The following FGFR3 variants were observed in gnomAD, a reference collection of about 807,000 sequenced individuals.
The protein encoded by FGFR3 is FGFR-3.
A neutral mutation model predicts 82.9 loss-of-function variants in FGFR3; 25 were observed. That is an observed-to-expected ratio of 0.30 (90% CI 0.22 to 0.42). FGFR3 has a LOEUF of 0.42. Ranked by LOEUF, FGFR3 falls within the 10% of genes least tolerant of loss-of-function variation. The pLI, the probability that FGFR3 is intolerant of heterozygous loss-of-function variation, is 1.00. For synonymous variants in FGFR3, 620 were observed against 516.0 expected, an observed-to-expected ratio of 1.20 and a Z score of -2.73; for missense variants, 1,026 against 1,161.0, an observed-to-expected ratio of 0.88 and a Z score of 1.69.
intron 7 of FGFR3, among the ~76,000 whole-genome samples, chr4:1,802,278 C>T (rs1721289737): frequency 6.6e-6 from 1 of 152,188 alleles, no homozygotes; most frequent in Non-Finnish European, 1.5e-5. Context: ...TGGAGCTGCC[C>T]ACGGGCTTCT....
chr4:1,800,702 C>T (rs1476428018), intron 4 of FGFR3, among the ~76,000 whole-genome samples: 1 of 151,958 alleles, frequency 6.6e-6, no homozygotes, highest in Non-Finnish European at 1.5e-5. Flanking sequence ...GAGGGGAGGG[C>T]TGCTTCCCTC....
At position 1,793,920 on chromosome 4, in the gene FGFR3, G is replaced by C; in HGVS notation, c.-15G>C. 3 of 1,223,406 alleles carry C rather than the reference G, an allele frequency of 2.5e-6. No individual in the cohort carries two copies. The highest frequency in any genetic ancestry group is 3.1e-6 in the Non-Finnish European group (3 of 959,924). The allele number at this position is 1,223,406 out of a possible 1,614,324, so 75.8% of individuals were successfully genotyped here. A position where few individuals can be genotyped will look rare whatever the true frequency, so the allele number is the denominator to read the frequency against. On this transcript the variant is annotated 5_prime_UTR_variant, in exon 2 of 18. Coordinates refer to ENST00000440486, the MANE Select transcript of FGFR3 (RefSeq NM_000142.5). The stretch of plus-strand genomic sequence containing the variant: ...GCGCGCGCTGCCTGAGGACGCCGCG[G>C]CCCCCGCCCCCGCCATGGGCGCCCC...
intron 5 of FGFR3, 21 bp from the exon 6 acceptor site, chr4:1,801,599 C>T (rs1721188805): frequency 6.3e-7 from 1 of 1,599,740 alleles, no homozygotes; most frequent in Non-Finnish European, 8.5e-7. Context: ...CGCTCACTCA[C>T]CCGCCCGCGT....
Position 1,805,689 on chromosome 4 carries a change from T to G in FGFR3, c.1645+20T>G, listed in dbSNP as rs758767873. ...AGGGCGGTAGGTGCGGTAGCGGCGG[T>G]GGTGCCGGCTGGGCGGCCCTCCTGG... On this transcript the variant is annotated intron_variant, in intron 12 of 17. Coordinates refer to ENST00000440486, the MANE Select transcript of FGFR3 (RefSeq NM_000142.5). 2.5e-6 allele frequency: 4 copies of G among 1,610,432 alleles called. No homozygotes were observed. The highest frequency in any genetic ancestry group is 2.5e-6 in the Non-Finnish European group (3 of 1,178,668).
At position 1,805,355 on chromosome 4, in the gene FGFR3, G is replaced by A. The variant is rs1389478749; in HGVS notation, c.1413G>A (p.Arg471=). The A allele has an allele frequency of 5.6e-6, 9 of 1,611,464 alleles. No homozygotes were observed. The African/African-American group carries it at 1.2e-4, about 22-fold the overall frequency. Residue 471 remains arginine, a splice_region_variant and synonymous_variant, in exon 11 of 18, where the codon CGG becomes CGA. Coordinates refer to ENST00000440486, the MANE Select transcript of FGFR3 (RefSeq NM_000142.5). The part of the protein sequence containing the change: ...ADPKWELSRA[R]LTLGKPLGEG... ...ATGGTCCCTCTGCCTCCACTGCCAG[G>A]CTGACCCTGGGCAAGCCCCTTGGGG...
chr4:1,806,532 A>T lies in FGFR3; in HGVS notation c.2031-14A>T, dbSNP rs1577293170. Reference sequence around the variant, plus strand: ...GGGAGTCTCAGGACAGCCTGACCTCACCTTCCCCTGCAGCTGGTCCTTTGG... The same window carrying T: ...GGGAGTCTCAGGACAGCCTGACCTCTCCTTCCCCTGCAGCTGGTCCTTTGG... On this transcript the variant is annotated splice_polypyrimidine_tract_variant and intron_variant, in intron 15 of 17. Transcript: ENST00000440486. 7 of 1,612,680 alleles carry T rather than the reference A, an allele frequency of 4.3e-6. No homozygotes were observed. The highest frequency in any genetic ancestry group is 5.1e-6 in the Non-Finnish European group (6 of 1,179,880).
chr4:1,794,016 G>C lies in FGFR3; in HGVS notation c.82G>C (p.Glu28Gln). 13 of 1,421,660 alleles carry C rather than the reference G, an allele frequency of 9.1e-6. No individual in the cohort carries two copies. Among genetic ancestry groups the C allele is most frequent in the Non-Finnish European group, 1.2e-5 (13 of 1,076,172 alleles). The allele number at this position is 1,421,660 out of a possible 1,614,324, so 88.1% of individuals were successfully genotyped here. The stretch of plus-strand genomic sequence containing the variant: ...CGCCTCCTCGGAGTCCTTGGGGACG[G>C]AGCAGCGCGTCGTGGGGCGAGCGGC... ...AGASSESLGT[E>Q]QRVVGRAAEV... The change falls in exon 2 of 18, where the codon GAG (glutamate) becomes CAG (glutamine). Residue 28 changes from glutamate (E) to glutamine (Q), a missense_variant. Coordinates refer to ENST00000440486, the MANE Select transcript of FGFR3 (RefSeq NM_000142.5).
At chr4:1,803,623 G>A (rs888967340) in intron 7 of FGFR3, 69 bp from the exon 8 acceptor site, 33 of 1,579,424 alleles carry the variant, frequency 2.1e-5, no homozygotes, top group Admixed American at 5.4e-5. Context: ...GGATCCTGCC[G>A]TGTGGACTCT....
At chr4:1,801,184 C>T (rs948649749) in intron 4 of FGFR3, among the ~76,000 whole-genome samples, 183 bp from the exon 5 acceptor site, 1 of 152,176 alleles carries the variant, frequency 6.6e-6, no homozygotes, top group Non-Finnish European at 1.5e-5. Flanking sequence ...CGGCCCAGCT[C>T]TGAGAAAGCC....
Position 1,807,204 on chromosome 4 carries a change from T to C in FGFR3, c.2363T>C (p.Val788Ala), listed in dbSNP as rs2108818014. The C allele has an allele frequency of 8.1e-6, 13 of 1,608,584 alleles. No individual in the cohort carries two copies. The highest frequency in any genetic ancestry group is 2.2e-5 in the East Asian group (1 of 44,676). ...TCCAGCTCCTCAGGGGACGACTCCGTGTTTGCCCACGACCTGCTGCCCCCG... is the reference window on the plus strand; with the variant it reads ...TCCAGCTCCTCAGGGGACGACTCCGCGTTTGCCCACGACCTGCTGCCCCCG... The part of the protein sequence containing the change: ...PSSSSSGDDS[V>A]FAHDLLPPAP... The change falls in exon 18 of 18, where the codon GTG becomes GCG. Residue 788 changes from valine (V) to alanine (A), a missense_variant. Coordinates refer to ENST00000440486, the MANE Select transcript of FGFR3 (RefSeq NM_000142.5).
chr4:1,807,162 GC>G lies in FGFR3; in HGVS notation c.2323del (p.Gln775ArgfsTer45). The part of the protein sequence containing the change: ...SAPFEQYSPG[G>X]QDTPSSSSSG... The stretch of plus-strand genomic sequence containing the variant: ...CCTTTCGAGCAGTACTCCCCGGGTG[GC>G]CAGGACACCCCCAGCTCCAGCTCCT... On this transcript the variant is annotated frameshift_variant, in exon 18 of 18. Transcript: ENST00000440486. LOFTEE classifies it low-confidence loss of function (END_TRUNC). 1 of 1,601,304 alleles carries G rather than the reference GC, an allele frequency of 6.2e-7. No individual in the cohort carries two copies. The highest frequency in any genetic ancestry group is 8.5e-7 in the Non-Finnish European group (1 of 1,174,682).
rs986365777 is a variant in FGFR3, at chr4:1,807,100, C to T, written c.2275-16C>T. 10 of 1,566,834 alleles carry T rather than the reference C, an allele frequency of 6.4e-6. No homozygotes were observed. The highest frequency in any genetic ancestry group is 2.4e-5 in the East Asian group (1 of 42,050). On this transcript the variant is annotated splice_polypyrimidine_tract_variant and intron_variant, in intron 17 of 17. Transcript: ENST00000440486. ...GGGCTCGGTGGCACAGCGCTCACCCCGCCTCCCGCCAGCAGGAGTACCTGG... is the reference window on the plus strand; with the variant it reads ...GGGCTCGGTGGCACAGCGCTCACCCTGCCTCCCGCCAGCAGGAGTACCTGG...
chr4:1,794,063 G>A lies in FGFR3; in HGVS notation c.109+20G>A, dbSNP rs1720167168. 1 of 1,330,564 alleles carries A rather than the reference G, an allele frequency of 7.5e-7. No individual in the cohort carries two copies. Among genetic ancestry groups the A allele is most frequent in the Non-Finnish European group, 9.9e-7 (1 of 1,014,732 alleles). 82.4% of individuals were successfully genotyped at this position (1,330,564 alleles called of 1,614,324 possible). ...CGGCAGGTAAGAAGGGACCCACTAG[G>A]CACGGGAGAGGCCGGCCCGTGCGGG... is the stretch of plus-strand genomic sequence containing the variant. On this transcript the variant is annotated intron_variant, in intron 2 of 17. Coordinates refer to ENST00000440486, the MANE Select transcript of FGFR3 (RefSeq NM_000142.5).
At chr4:1,804,023 G>C (rs1352753372) in intron 8 of FGFR3, among the ~76,000 whole-genome samples, 187 bp downstream of exon 8, 1 of 152,168 alleles carries the variant, frequency 6.6e-6, no homozygotes, top group African/African-American at 2.4e-5. Flanking sequence ...TCCCAGAGGG[G>C]CCCCCTCAGC....
At chr4:1,795,617 A>C (rs1168720479) in intron 2 of FGFR3, among the ~76,000 whole-genome samples, 1 of 152,206 alleles carries the variant, frequency 6.6e-6, no homozygotes, top group Non-Finnish European at 1.5e-5. Flanking sequence ...CTTGGCTCGC[A>C]GGGGTCAAGG....
intron 2 of FGFR3, among the ~76,000 whole-genome samples, chr4:1,797,179 C>T (rs1720615178): frequency 6.6e-6 from 1 of 152,086 alleles, no homozygotes; most frequent in Admixed American, 6.5e-5. Context: ...AGAACCCTTC[C>T]TAGGGCTGCT....
In FGFR3 at chr4:1,807,566, G is replaced by C; in HGVS notation, c.*304G>C. ...TGGGGGGACCCAGTGCAGAATGTAA[G>C]TGGGCCCACCCGGTGGGACCCCCGT... is the stretch of plus-strand genomic sequence containing the variant. On this transcript the variant is annotated 3_prime_UTR_variant, in exon 18 of 18. Transcript: ENST00000440486. 1 of 702,740 alleles carries C rather than the reference G, an allele frequency of 1.4e-6. No individual in the cohort carries two copies. Among genetic ancestry groups the C allele is most frequent in the Non-Finnish European group, 2.6e-6 (1 of 377,990 alleles). The allele number at this position is 702,740 out of a possible 1,614,324, so 43.5% of individuals were successfully genotyped here.
intron 10 of FGFR3, 79 bp from the exon 11 acceptor site, chr4:1,805,276 G>A (rs1036729943): frequency 1.9e-5 from 30 of 1,593,356 alleles, no homozygotes; most frequent in Non-Finnish European, 2.3e-5. Context: ...CAAGGGCTGG[G>A]CCAGGCTGGG....
chr4:1,794,687 AG>A (rs1720258139), intron 2 of FGFR3, among the ~76,000 whole-genome samples: 1 of 151,902 alleles, frequency 6.6e-6, no homozygotes, highest in Non-Finnish European at 1.5e-5. Flanking sequence ...CGGGACGTCG[AG>A]GGTCTGAAGG....
Sources: gnomAD v4.1 joint callset for allele counts (sites outside exome capture counted in the v4.1 genomes callset) on GRCh38, gnomAD v4.1.1 for gene constraint, MANE v1.5 for transcripts, NCBI Gene and HGNC (gene_info 2026-07-23, HGNC 2026-07-21) for gene names.